The following MARCHF7 variants were observed in gnomAD, a reference collection of about 807,000 sequenced individuals.
The protein encoded by MARCHF7 is membrane associated ring-CH-type finger 7.
A neutral mutation model predicts 76.5 loss-of-function variants in MARCHF7; 20 were observed. The ratio of observed to expected loss-of-function variants is 0.26; its 90% CI spans 0.18 to 0.38. MARCHF7 has a LOEUF of 0.38. MARCHF7 is among the 10% of genes least tolerant of loss of function. The pLI is 1.00. For synonymous variants in MARCHF7, 295 were observed against 293.0 expected, an observed-to-expected ratio of 1.01 and a Z score of -0.07; for missense variants, 797 against 812.9, an observed-to-expected ratio of 0.98 and a Z score of 0.24.
At chr2:159,726,264 GTTTTGTTTTGTTTTTT>G (rs1702158793) in intron 3 of MARCHF7, among the ~76,000 whole-genome samples, 1 of 81,728 alleles carries the variant, frequency 1.2e-5, no homozygotes, top group African/African-American at 5.4e-5. Flanking sequence ...GTTTTGTTTT[GTTTTGTTTTGTTTTTT>G]GATACCGAGT....
chr2:159,740,483 A>G (rs1323085654), intron 4 of MARCHF7, among the ~76,000 whole-genome samples: 1 of 152,208 alleles, frequency 6.6e-6, no homozygotes, highest in Non-Finnish European at 1.5e-5. Context: ...TTCTTTCTCA[A>G]TTTTAAATTA....
chr2:159,739,481 T>C (rs993389713), intron 4 of MARCHF7, among the ~76,000 whole-genome samples: 3 of 152,264 alleles, frequency 2.0e-5, no homozygotes, highest in African/African-American at 7.2e-5. Flanking sequence ...CGGCATTGTT[T>C]ATAAGTGAAA....
chr2:159,713,596 TA>T (rs772152862), intron 1 of MARCHF7, among the ~76,000 whole-genome samples: 18 of 152,246 alleles, frequency 1.2e-4, no homozygotes, highest in Non-Finnish European at 2.4e-4. Context: ...ATTTTCGATT[TA>T]AAAATCCAAT....
At chr2:159,740,568 C>A (rs1462347187) in intron 4 of MARCHF7, among the ~76,000 whole-genome samples, 2 of 152,086 alleles carry the variant, frequency 1.3e-5, no homozygotes, top group Non-Finnish European at 2.9e-5. Context: ...GTCCCTGATA[C>A]CTTGATGATG....
At chr2:159,749,300 G>T (rs1359068875) in intron 7 of MARCHF7, among the ~76,000 whole-genome samples, 2 of 151,636 alleles carry the variant, frequency 1.3e-5, no homozygotes, top group Non-Finnish European at 2.9e-5. Flanking sequence ...TTTCAAAATT[G>T]GCTTCTTATA....
Position 159,745,985 on chromosome 2 carries a change from C to G in MARCHF7, c.514+48C>G. On this transcript the variant is annotated intron_variant, in intron 6 of 11. Coordinates refer to ENST00000409175, the MANE Select transcript of MARCHF7 (RefSeq NM_001282805.2). ...ATAACTTCTCATAATGTTCCATTTT[C>G]CTCTTTATGCATGTTACTAAAACAA... The G allele has an allele frequency of 3.4e-6, 5 of 1,482,404 alleles. No individual in the cohort carries two copies. The South Asian group carries it at 3.6e-5, about 11-fold the overall frequency. The allele number at this position is 1,482,404 out of a possible 1,614,324, so 91.8% of individuals were successfully genotyped here.
chr2:159,768,400 A>G lies in MARCHF7; in HGVS notation c.*1058A>G, dbSNP rs1017590761. On this transcript the variant is annotated 3_prime_UTR_variant, in exon 12 of 12. Coordinates refer to ENST00000409175, the MANE Select transcript of MARCHF7 (RefSeq NM_001282805.2). Reference sequence around the variant, plus strand: ...AACACTGTATTTTTCTTCTGTCAGTACCCTTAGGATACACTTTAAAACACC... The same window carrying G: ...AACACTGTATTTTTCTTCTGTCAGTGCCCTTAGGATACACTTTAAAACACC... The G allele has an allele frequency of 2.6e-5, 4 of 152,598 alleles. No homozygotes were observed. Among genetic ancestry groups the G allele is most frequent in the African/African-American group, 9.6e-5 (4 of 41,452 alleles). 9.5% of individuals were successfully genotyped at this position (152,598 alleles called of 1,614,324 possible).
chr2:159,736,402 G>A (rs552023351), intron 4 of MARCHF7, among the ~76,000 whole-genome samples: 82 of 152,172 alleles, frequency 5.4e-4, no homozygotes, highest in Non-Finnish European at 8.7e-4. Flanking sequence ...CTAATTGGCC[G>A]TTTACTGTAC....
chr2:159,752,894 G>C (rs931857504), intron 8 of MARCHF7, among the ~76,000 whole-genome samples: 1 of 152,196 alleles, frequency 6.6e-6, no homozygotes, highest in Non-Finnish European at 1.5e-5. Context: ...CCAGCTGTGT[G>C]TCCTTGAGAA....
chr2:159,765,737 C>G lies in MARCHF7; in HGVS notation c.2056+1063C>G, dbSNP rs553912551. ...ACATAGATTTTTGTCATTGTCTATA[C>G]TACTTTCAAGTTTTTAAAGGTTTTG... On this transcript the variant is annotated intron_variant, in intron 11 of 11. Transcript: ENST00000409175. Among the ~76,000 whole-genome samples the G allele has an allele frequency of 2.0e-4, 31 of 152,212 alleles. No homozygotes were observed. The South Asian group carries it at 5.6e-3, about 27-fold the overall frequency.
chr2:159,763,814 T>A (rs780182387), intron 10 of MARCHF7, among the ~76,000 whole-genome samples: 45 of 152,188 alleles, frequency 3.0e-4, no homozygotes, highest in African/African-American at 8.2e-4. Flanking sequence ...TAGTAAAAAA[T>A]TTTTCTTTAT....
intron 6 of MARCHF7, among the ~76,000 whole-genome samples, chr2:159,746,409 T>G (rs1483013143): frequency 6.6e-6 from 1 of 152,196 alleles, no homozygotes; most frequent in Admixed American, 6.5e-5. Flanking sequence ...GTTTTTGGTT[T>G]GTTTGTTCTG....
At position 159,768,590 on chromosome 2, in the gene MARCHF7, GTT is replaced by G. The variant is rs1708023819; in HGVS notation, c.*1250_*1251del. On this transcript the variant is annotated 3_prime_UTR_variant, in exon 12 of 12. Transcript: ENST00000409175. The stretch of plus-strand genomic sequence containing the variant: ...ACTGATTTATTTTACTGTTTGAAAT[GTT>G]TCCTTTTAAACTGGTGCTCAAAGAA... 6.6e-6 allele frequency: 1 copy of G among 152,516 alleles called. No individual in the cohort carries two copies. Among genetic ancestry groups the G allele is most frequent in the African/African-American group, 2.4e-5 (1 of 41,436 alleles). 9.4% of individuals were successfully genotyped at this position (152,516 alleles called of 1,614,324 possible).
intron 5 of MARCHF7, 109 bp from the exon 6 acceptor site, chr2:159,745,661 A>T: frequency 1.4e-6 from 1 of 710,604 alleles, no homozygotes; most frequent in Non-Finnish European, 2.2e-6. Context: ...GTCTCAAATA[A>T]TAATAATAAT....
chr2:159,760,751 G>T (rs956032181), intron 9 of MARCHF7, among the ~76,000 whole-genome samples: 2 of 147,024 alleles, frequency 1.4e-5, no homozygotes, highest in South Asian at 2.1e-4. Flanking sequence ...TTTTTGACTC[G>T]CTCTGTCATG....
Position 159,763,004 on chromosome 2 carries a change from A to G in MARCHF7, c.2007+11A>G. On this transcript the variant is annotated intron_variant, in intron 10 of 11. Coordinates refer to ENST00000409175, the MANE Select transcript of MARCHF7 (RefSeq NM_001282805.2). ...AGCACACGTGTCCGAGTAAGTAATA[A>G]TGAAGTTGGGGAGAGGGAGGGTATG... 6.3e-7 allele frequency: 1 copy of G among 1,587,848 alleles called. No individual in the cohort carries two copies. The highest frequency in any genetic ancestry group is 1.3e-5 in the African/African-American group (1 of 74,478).
intron 7 of MARCHF7, among the ~76,000 whole-genome samples, 182 bp downstream of exon 7, chr2:159,749,085 TCTC>T (rs955245543): frequency 6.6e-6 from 1 of 150,752 alleles, no homozygotes. Flanking sequence ...TTCAAGCAGT[TCTC>T]CTGTTTCAGC....
At position 159,767,670 on chromosome 2, in the gene MARCHF7, G is replaced by A. The variant is rs1707953194; in HGVS notation, c.*328G>A. ...AACCCTTTTTTGTGTTATGATTACT[G>A]TAGTCATATTTATGAAAAAAGGTTT... is the stretch of plus-strand genomic sequence containing the variant. On this transcript the variant is annotated 3_prime_UTR_variant, in exon 12 of 12. Transcript: ENST00000409175. The A allele has an allele frequency of 5.8e-6, 1 of 171,450 alleles. No individual in the cohort carries two copies. Among genetic ancestry groups the A allele is most frequent in the Non-Finnish European group, 1.2e-5 (1 of 81,006 alleles). 10.6% of individuals were successfully genotyped at this position (171,450 alleles called of 1,614,324 possible).
At chr2:159,738,875 A>G (rs1266808503) in intron 4 of MARCHF7, among the ~76,000 whole-genome samples, 1 of 152,134 alleles carries the variant, frequency 6.6e-6, no homozygotes, top group African/African-American at 2.4e-5. Context: ...GCCTCCTGCT[A>G]CTGTTCATGG....
Sources: gnomAD v4.1 joint callset for allele counts (sites outside exome capture counted in the v4.1 genomes callset) on GRCh38, gnomAD v4.1.1 for gene constraint, MANE v1.5 for transcripts, NCBI Gene and HGNC (gene_info 2026-07-23, HGNC 2026-07-21) for gene names.